OLFM3: variants seen among roughly 807,000 people sequenced by gnomAD.
OLFM3 encodes the protein olfactomedin 3.
OLFM3 carries 20 observed loss-of-function variants against 48.6 expected under a neutral mutation model. The observed-to-expected ratio is 0.41, with a 90% CI of 0.29 to 0.60. The LOEUF is 0.60. Ranked by LOEUF, OLFM3 falls within the 20% of genes least tolerant of loss-of-function variation. The pLI is 0.28. For missense variants in OLFM3, 437 were observed against 544.3 expected (o/e 0.80, Z 1.96); for synonymous variants, 222 against 198.1 (o/e 1.12, Z -1.01).
intron 1 of OLFM3, among the ~76,000 whole-genome samples, chr1:101,990,536 T>G (rs536508305): frequency 6.2e-4 from 94 of 152,324 alleles, no homozygotes; most frequent in Non-Finnish European, 1.2e-3. Context: ...AAACTGAGCT[T>G]CAGACATGTT....
intron 3 of OLFM3, among the ~76,000 whole-genome samples, chr1:101,830,318 C>T (rs1655086418): frequency 6.6e-6 from 1 of 152,064 alleles, no homozygotes; most frequent in African/African-American, 2.4e-5. Context: ...ATATTAATGG[C>T]ATAGTTTTCT....
At chr1:101,990,807 A>AC (rs777265685) in intron 1 of OLFM3, among the ~76,000 whole-genome samples, 3 of 150,876 alleles carry the variant, frequency 2.0e-5, no homozygotes, top group African/African-American at 4.9e-5. Context: ...ACACAGTGAG[A>AC]CCCCGTCTCT....
intron 1 of OLFM3, among the ~76,000 whole-genome samples, chr1:101,996,168 G>A (rs1172426459): frequency 2.0e-5 from 3 of 152,058 alleles, no homozygotes; most frequent in African/African-American, 4.8e-5. Context: ...TTTTCTTAAT[G>A]AAAAGGAAGA....
At chr1:101,842,856 T>A (rs114727850) in intron 1 of OLFM3, among the ~76,000 whole-genome samples, 1,877 of 152,316 alleles carry the variant, frequency 0.012, 43 homozygotes, top group African/African-American at 0.043. Context: ...ACTCTCTTAT[T>A]CATGTGAGGA....
chr1:101,966,204 T>C (rs1432051035), intron 1 of OLFM3, among the ~76,000 whole-genome samples: 1 of 152,166 alleles, frequency 6.6e-6, no homozygotes, highest in African/African-American at 2.4e-5. Context: ...GCCAGGGTCT[T>C]GCCCTGCTGA....
chr1:101,988,469 A>G (rs1321376383), intron 1 of OLFM3, among the ~76,000 whole-genome samples: 1 of 152,150 alleles, frequency 6.6e-6, no homozygotes, highest in South Asian at 2.1e-4. Context: ...GTAAGTCAAG[A>G]TAAGTAACCT....
chr1:101,874,765 G>A (rs1240518216), intron 1 of OLFM3, among the ~76,000 whole-genome samples: 1 of 151,926 alleles, frequency 6.6e-6, no homozygotes, highest in East Asian at 1.9e-4. Context: ...ACTGTTTGAG[G>A]TATTGAATGG....
intron 1 of OLFM3, among the ~76,000 whole-genome samples, chr1:101,848,143 A>T (rs528069456): frequency 1.2e-4 from 18 of 152,332 alleles, no homozygotes; most frequent in Admixed American, 8.5e-4. Flanking sequence ...CAAATGAAAG[A>T]AATCAGAGGT....
intron 1 of OLFM3, among the ~76,000 whole-genome samples, chr1:101,912,011 T>G (rs1341954876): frequency 6.6e-6 from 1 of 152,188 alleles, no homozygotes; most frequent in Non-Finnish European, 1.5e-5. Context: ...TAGTGAAGCT[T>G]TGGCAGTGAG....
intron 4 of OLFM3, among the ~76,000 whole-genome samples, chr1:101,818,220 T>G (rs1471660042): frequency 6.6e-6 from 1 of 152,114 alleles, no homozygotes; most frequent in Non-Finnish European, 1.5e-5. Context: ...CCAACTAATT[T>G]TACAATTCCT....
chr1:101,963,159 T>C (rs1223570283), intron 1 of OLFM3, among the ~76,000 whole-genome samples: 3 of 152,192 alleles, frequency 2.0e-5, no homozygotes, highest in East Asian at 1.9e-4. Flanking sequence ...GGTCGCCCTA[T>C]TGGGCAGGAC....
intron 1 of OLFM3, among the ~76,000 whole-genome samples, chr1:101,887,682 T>C (rs907290350): frequency 6.6e-6 from 1 of 152,034 alleles, no homozygotes; most frequent in Non-Finnish European, 1.5e-5. Context: ...CAAAATAAAA[T>C]CATCTTGGTA....
chr1:101,985,343 A>G (rs1197257971), intron 1 of OLFM3, among the ~76,000 whole-genome samples: 1 of 152,238 alleles, frequency 6.6e-6, no homozygotes, highest in African/African-American at 2.4e-5. Flanking sequence ...GAAAGCAGAC[A>G]TCTTTGGAAG....
At chr1:101,842,187 C>A (rs1240863959) in intron 1 of OLFM3, among the ~76,000 whole-genome samples, 1 of 152,120 alleles carries the variant, frequency 6.6e-6, no homozygotes, top group Non-Finnish European at 1.5e-5. Context: ...TAAGAAAAAA[C>A]AACTATAAAA....
intron 1 of OLFM3, among the ~76,000 whole-genome samples, chr1:101,989,837 C>T (rs539051023): frequency 1.3e-5 from 2 of 152,132 alleles, no homozygotes; most frequent in South Asian, 2.1e-4. Context: ...TTCCTAAATG[C>T]GGTCTTTTCT....
At chr1:101,812,241 G>A (rs1231304498) in intron 4 of OLFM3, among the ~76,000 whole-genome samples, 1 of 151,992 alleles carries the variant, frequency 6.6e-6, no homozygotes, top group Non-Finnish European at 1.5e-5. Flanking sequence ...TGTAAATGAC[G>A]AGTTAATGGG....
At chr1:101,810,978 A>T (rs1654018963) in intron 4 of OLFM3, among the ~76,000 whole-genome samples, 1 of 151,826 alleles carries the variant, frequency 6.6e-6, no homozygotes, top group South Asian at 2.1e-4. Context: ...TCTTGGAAAA[A>T]TATACTCCTG....
At chr1:101,874,976 C>T (rs556573691) in intron 1 of OLFM3, among the ~76,000 whole-genome samples, 128 of 152,028 alleles carry the variant, frequency 8.4e-4, no homozygotes, top group Non-Finnish European at 1.5e-3. Flanking sequence ...ATTAGACTCT[C>T]TGAGTCACAA....
intron 1 of OLFM3, among the ~76,000 whole-genome samples, chr1:101,995,398 C>A (rs1250912614): frequency 6.6e-6 from 1 of 152,048 alleles, no homozygotes; most frequent in Non-Finnish European, 1.5e-5. Flanking sequence ...GTGTAAAATG[C>A]TTTAAAGCTA....
Sources: allele counts gnomAD v4.1 joint callset (sites outside exome capture counted in the v4.1 genomes callset), GRCh38; gene constraint gnomAD v4.1.1; transcripts MANE v1.5; gene names NCBI Gene and HGNC (gene_info 2026-07-23, HGNC 2026-07-21).